Variants in ERICH2 observed in about 807,000 individuals in gnomAD.
ERICH2 encodes glutamate-rich protein 2.
A neutral mutation model predicts 17.4 loss-of-function variants in ERICH2; 17 were observed. The ratio of observed to expected loss-of-function variants is 0.98; its 90% CI spans 0.67 to 1.47. ERICH2 has a LOEUF of 1.47. Ranked by LOEUF, ERICH2 falls within the 40% of genes most tolerant of loss-of-function variation. The pLI is 0.00. For missense variants in ERICH2, 186 were observed against 183.2 expected (o/e 1.01, Z -0.09); for synonymous variants, 51 against 61.1 (o/e 0.83, Z 0.77).
chr2:170,798,785 A>T, exon 5 of ERICH2: 1 of 1,550,654 alleles, frequency 6.4e-7, no homozygotes, highest in Non-Finnish European at 8.7e-7. Context: ...ACTCAGAATC[A>T]TGAGCAAGAC....
At chr2:170,775,024 GT>G in the ERICH2 span, among the ~76,000 whole-genome samples, 12 of 152,206 alleles carry the variant, frequency 7.9e-5, no homozygotes, top group East Asian at 2.3e-3. Flanking sequence ...TCCATCCTAC[GT>G]TTTCACCAGG....
upstream of ERICH2, among the ~76,000 whole-genome samples, chr2:170,780,946 TAG>T (rs1701011280): frequency 6.6e-6 from 1 of 152,204 alleles, no homozygotes; most frequent in Non-Finnish European, 1.5e-5. Flanking sequence ...TTTTCATATG[TAG>T]AGTTTCTTCT....
chr2:170,787,541 T>C (rs1333712126), intron 2 of ERICH2, among the ~76,000 whole-genome samples: 3 of 152,346 alleles, frequency 2.0e-5, no homozygotes, highest in Non-Finnish European at 4.4e-5. Context: ...TAGCCAGTGA[T>C]TATTCCACCT....
the ERICH2 span, among the ~76,000 whole-genome samples, chr2:170,776,462 C>G: frequency 1.3e-5 from 2 of 152,166 alleles, no homozygotes; most frequent in Non-Finnish European, 2.9e-5. Flanking sequence ...ACTGCAACTT[C>G]CGCCTCCTGG....
chr2:170,772,197 C>T, the ERICH2 span, among the ~76,000 whole-genome samples: 1 of 152,166 alleles, frequency 6.6e-6, no homozygotes, highest in Non-Finnish European at 1.5e-5. Flanking sequence ...TTTCTACCTA[C>T]GCTCACCGGT....
At chr2:170,798,683 C>A in intron 4 of ERICH2, 87 bp from the exon 10 acceptor site, 1 of 1,476,510 alleles carries the variant, frequency 6.8e-7, no homozygotes. Context: ...ATATGTATTT[C>A]TTGGTAGAGG....
upstream of ERICH2, among the ~76,000 whole-genome samples, chr2:170,780,575 ACTAG>A (rs1178592965): frequency 6.6e-6 from 1 of 152,236 alleles, no homozygotes; most frequent in Non-Finnish European, 1.5e-5. Context: ...CCAGAACTAT[ACTAG>A]CTAAATTCCT....
intron 2 of ERICH2, among the ~76,000 whole-genome samples, chr2:170,785,731 A>G (rs1026641697): frequency 8.5e-5 from 13 of 152,172 alleles, no homozygotes; most frequent in Non-Finnish European, 1.5e-4. Flanking sequence ...AGAGGCAAGT[A>G]TAGAATTCAT....
intron 2 of ERICH2, among the ~76,000 whole-genome samples, chr2:170,789,980 G>A (rs537531293): frequency 6.6e-6 from 1 of 151,554 alleles, no homozygotes; most frequent in Non-Finnish European, 1.5e-5. Context: ...GCTGAGAATT[G>A]GGAAATTGGA....
At chr2:170,789,189 T>A (rs1204597336) in intron 2 of ERICH2, among the ~76,000 whole-genome samples, 3 of 151,694 alleles carry the variant, frequency 2.0e-5, no homozygotes, top group African/African-American at 7.3e-5. Context: ...GGTCTCGAAC[T>A]CCTGGCCTCA....
chr2:170,784,664 C>T (rs1701110290), exon 2 of ERICH2: 1 of 1,522,044 alleles, frequency 6.6e-7, no homozygotes, highest in Non-Finnish European at 8.8e-7. Flanking sequence ...AGCAAAGATG[C>T]AGTCATTGTA....
At chr2:170,771,321 TCTGGGCCCCGGGCCCCGTGGCTGC>T in the ERICH2 span, 1 of 152,116 alleles carries the variant, frequency 6.6e-6, no homozygotes, top group African/African-American at 2.4e-5. This position sits in a 1 kb window ranked among gnomAD's most constrained non-coding sequence, Gnocchi z 4.8. Context: ...TGGTTCTGGC[TCTGGGCCCCGGGCCCCGTGGCTGC>T]CAGGGGCCGC....
chr2:170,780,903 C>A (rs554142207), upstream of ERICH2, among the ~76,000 whole-genome samples: 1 of 152,148 alleles, frequency 6.6e-6, no homozygotes, highest in African/African-American at 2.4e-5. Context: ...GTCTCACAAT[C>A]CTGGAAACTG....
upstream of ERICH2, among the ~76,000 whole-genome samples, chr2:170,782,641 C>T (rs969027629): frequency 1.3e-5 from 2 of 152,206 alleles, no homozygotes; most frequent in African/African-American, 4.8e-5. Context: ...AGCATTAACA[C>T]GTTCCATTCA....
chr2:170,770,750 C>G, the ERICH2 span: 1 of 155,196 alleles, frequency 6.4e-6, no homozygotes. Context: ...CGCGTGCGCA[C>G]GTCAATCCGA....
intron 3 of ERICH2, among the ~76,000 whole-genome samples, chr2:170,794,837 A>G (rs1009592165): frequency 3.3e-5 from 5 of 152,354 alleles, no homozygotes; most frequent in Middle Eastern, 3.4e-3. Flanking sequence ...GTACTTCTAG[A>G]TCATTGGCTC....
chr2:170,795,874 T>C lies in ERICH2; in HGVS notation c.275-2167T>C, dbSNP rs143388478. ...ATACATGGAGGTCCGGAAGATTTAT[T>C]TAATAAATCATCAGTTGTAAATGTT... is the stretch of plus-strand genomic sequence containing the variant. On this transcript the variant is annotated intron_variant, in intron 3 of 4. Coordinates refer to ENST00000409885, the Ensembl canonical transcript of ERICH2. 2.6e-5 allele frequency among the ~76,000 whole-genome samples: 4 copies of C among 152,312 alleles called. No individual in the cohort carries two copies. In the East Asian group the frequency reaches 7.7e-4, roughly 29 times the overall value.
At chr2:170,797,089 A>G (rs565966870) in intron 3 of ERICH2, among the ~76,000 whole-genome samples, 43 of 152,320 alleles carry the variant, frequency 2.8e-4, no homozygotes, top group African/African-American at 9.1e-4. Flanking sequence ...ACTGAAAACA[A>G]TGGGTCCAAT....
intron 2 of ERICH2, among the ~76,000 whole-genome samples, chr2:170,791,439 T>C (rs1228389169): frequency 6.6e-6 from 1 of 151,816 alleles, no homozygotes; most frequent in African/African-American, 2.4e-5. Context: ...TTTATCCATA[T>C]TAATTAGTAT....
Sources: gnomAD v4.1 joint callset for allele counts (sites outside exome capture counted in the v4.1 genomes callset) on GRCh38, gnomAD v4.1.1 for gene constraint, Gnocchi (gnomAD v3.1) non-coding constraint, MANE v1.5 for transcripts, NCBI Gene and HGNC (gene_info 2026-07-23, HGNC 2026-07-21) for gene names.